The following ST6GALNAC3 variants were observed in gnomAD, a reference collection of about 807,000 sequenced individuals.
The protein encoded by ST6GALNAC3 is ST6 N-acetylgalactosaminide alpha-2,6-sialyltransferase 3.
Under a neutral mutation model 32.7 loss-of-function variants are expected in ST6GALNAC3, and 25 were observed. That is an observed-to-expected ratio of 0.76 (90% CI 0.56 to 1.07). The LOEUF is 1.07. ST6GALNAC3 is among the 50% of genes least tolerant of loss of function. The pLI, the probability that ST6GALNAC3 is intolerant of heterozygous loss-of-function variation, is 0.00. For missense variants in ST6GALNAC3, 355 were observed against 382.4 expected (o/e 0.93, Z 0.60); for synonymous variants, 129 against 133.1 (o/e 0.97, Z 0.21).
chr1:76,533,334 CCACA>C (rs959921214), intron 3 of ST6GALNAC3, among the ~76,000 whole-genome samples: 4 of 47,492 alleles, frequency 8.4e-5, no homozygotes, highest in African/African-American at 3.3e-4. Flanking sequence ...CTCCTCATTC[CCACA>C]AACAAACACC....
At chr1:76,489,405 C>A (rs1268405936) in intron 3 of ST6GALNAC3, among the ~76,000 whole-genome samples, 1 of 151,934 alleles carries the variant, frequency 6.6e-6, no homozygotes, top group African/African-American at 2.4e-5. Context: ...TATCTTCCAC[C>A]ATCCCTTTAA....
intron 2 of ST6GALNAC3, among the ~76,000 whole-genome samples, chr1:76,403,235 C>G (rs1653564751): frequency 6.6e-6 from 1 of 152,094 alleles, no homozygotes; most frequent in South Asian, 2.1e-4. Flanking sequence ...AAAAATAACT[C>G]TGTAGGAAAT....
intron 1 of ST6GALNAC3, among the ~76,000 whole-genome samples, chr1:76,123,946 T>A (rs551484486): frequency 6.6e-6 from 1 of 152,068 alleles, no homozygotes; most frequent in African/African-American, 2.4e-5. Flanking sequence ...TGATAGGTTT[T>A]CACCATGCTG....
chr1:76,286,959 G>A (rs1242860079), intron 1 of ST6GALNAC3, among the ~76,000 whole-genome samples: 2 of 152,238 alleles, frequency 1.3e-5, no homozygotes, highest in Non-Finnish European at 2.9e-5. Context: ...AAGTCACAGT[G>A]AAATGAAATA....
intron 3 of ST6GALNAC3, among the ~76,000 whole-genome samples, chr1:76,582,834 AGT>A (rs1646910354): frequency 6.6e-6 from 1 of 152,084 alleles, no homozygotes; most frequent in African/African-American, 2.4e-5. Context: ...TCACACTCCT[AGT>A]TGCTTTGACT....
intron 1 of ST6GALNAC3, among the ~76,000 whole-genome samples, chr1:76,164,391 C>T (rs2100390920): frequency 6.6e-6 from 1 of 152,304 alleles, no homozygotes. Context: ...GGGGCAGCAC[C>T]TGGCATAGAG....
At chr1:76,082,485 A>G (rs1290810451) in intron 1 of ST6GALNAC3, among the ~76,000 whole-genome samples, 2 of 152,304 alleles carry the variant, frequency 1.3e-5, no homozygotes, top group Admixed American at 1.3e-4. Context: ...GCAGCTCTGT[A>G]AAGGTTTGTC....
intron 1 of ST6GALNAC3, among the ~76,000 whole-genome samples, chr1:76,217,842 T>G (rs1401980160): frequency 6.6e-6 from 1 of 152,252 alleles, no homozygotes; most frequent in Non-Finnish European, 1.5e-5. Context: ...GTGAATGCCA[T>G]TATGTTATTC....
chr1:76,076,569 AGGTTGCTGT>A (rs1286106113), intron 1 of ST6GALNAC3, among the ~76,000 whole-genome samples: 5 of 152,170 alleles, frequency 3.3e-5, no homozygotes, highest in Admixed American at 3.3e-4. Flanking sequence ...CTGCTTCACA[AGGTTGCTGT>A]GGGAATGAAA....
chr1:76,628,064 C>T (rs1284861306), intron 4 of ST6GALNAC3, among the ~76,000 whole-genome samples: 1 of 151,918 alleles, frequency 6.6e-6, no homozygotes, highest in Admixed American at 6.6e-5. Context: ...TGTTTACCCA[C>T]AGTATATCCT....
At chr1:76,248,778 T>A (rs1224489975) in intron 1 of ST6GALNAC3, among the ~76,000 whole-genome samples, 3 of 152,124 alleles carry the variant, frequency 2.0e-5, no homozygotes, top group Non-Finnish European at 4.4e-5. Context: ...TCTCTCCCAT[T>A]TCCTCCTTTC....
At chr1:76,165,707 A>G (rs1420045617) in intron 1 of ST6GALNAC3, among the ~76,000 whole-genome samples, 1 of 152,180 alleles carries the variant, frequency 6.6e-6, no homozygotes, top group Non-Finnish European at 1.5e-5. Context: ...AATAATAGAC[A>G]TTCTGACTGG....
At chr1:76,454,148 T>A (rs191500887) in intron 3 of ST6GALNAC3, among the ~76,000 whole-genome samples, 5 of 152,280 alleles carry the variant, frequency 3.3e-5, no homozygotes, top group Admixed American at 6.5e-5. Flanking sequence ...TTTCCACCCC[T>A]TTACCTTAAG....
At chr1:76,590,499 A>G (rs1647030634) in intron 3 of ST6GALNAC3, among the ~76,000 whole-genome samples, 2 of 152,224 alleles carry the variant, frequency 1.3e-5, no homozygotes, top group South Asian at 2.1e-4. Flanking sequence ...AAGCACCCAC[A>G]TGGATCTTCA....
intron 2 of ST6GALNAC3, among the ~76,000 whole-genome samples, chr1:76,333,580 T>C (rs1647250486): frequency 6.6e-6 from 1 of 152,222 alleles, no homozygotes; most frequent in African/African-American, 2.4e-5. Flanking sequence ...TTGATATTCA[T>C]CATCAGTTAA....
At chr1:76,401,783 G>A (rs1013105506) in intron 2 of ST6GALNAC3, among the ~76,000 whole-genome samples, 3 of 152,138 alleles carry the variant, frequency 2.0e-5, no homozygotes, top group African/African-American at 4.8e-5. Flanking sequence ...TTTATTTTCA[G>A]TTCAGACTTA....
chr1:76,369,076 C>T (rs1013714414), intron 2 of ST6GALNAC3, among the ~76,000 whole-genome samples: 8 of 152,100 alleles, frequency 5.3e-5, no homozygotes, highest in Admixed American at 6.6e-5. Context: ...ATCTTATTAT[C>T]ATCCTAGAGC....
In ST6GALNAC3 at chr1:76,530,050, T is replaced by C. The variant is rs145011122; in HGVS notation, c.624-97402T>C. On this transcript the variant is annotated intron_variant, in intron 3 of 4. Transcript: ENST00000328299. The stretch of plus-strand genomic sequence containing the variant: ...TGTGTAGTTACTTGGCTAGGATTCA[T>C]GTATAACTTTTAGTAGTTTACAAAG... Among the ~76,000 whole-genome samples the C allele has an allele frequency of 2.8e-3, 420 of 152,360 alleles. 1 individual carries two copies. Among genetic ancestry groups the C allele is most frequent in the Admixed American group, 6.3e-3 (97 of 15,296 alleles).
intron 1 of ST6GALNAC3, among the ~76,000 whole-genome samples, chr1:76,117,777 T>C (rs1371531663): frequency 6.6e-6 from 1 of 152,150 alleles, no homozygotes; most frequent in Non-Finnish European, 1.5e-5. Flanking sequence ...GTGTAGTATA[T>C]GGGATAAGAG....
Sources: gnomAD v4.1 joint callset for allele counts (sites outside exome capture counted in the v4.1 genomes callset) on GRCh38, gnomAD v4.1.1 for gene constraint, MANE v1.5 for transcripts, NCBI Gene and HGNC (gene_info 2026-07-23, HGNC 2026-07-21) for gene names.